Variants in SLC6A20 observed in about 807,000 individuals in gnomAD.
The protein encoded by SLC6A20 is solute carrier family 6 member 20.
In SLC6A20, 73 loss-of-function variants were observed where a neutral mutation model predicts 64.3. That is an observed-to-expected ratio of 1.14 (90% CI 0.94 to 1.38). The LOEUF (loss-of-function observed/expected upper bound fraction) is 1.38. Among genes scored for constraint, SLC6A20 ranks in the 40% most tolerant of loss-of-function variants. The pLI is 0.00. For missense variants in SLC6A20, 725 were observed against 772.8 expected, an observed-to-expected ratio of 0.94 and a Z score of 0.73; for synonymous variants, 347 against 329.6, an observed-to-expected ratio of 1.05 and a Z score of -0.57.
At chr3:45,785,613 T>TCTCTCTCTCTCTCTCTCTCTCTCTCTC (rs1700157049) in intron 1 of SLC6A20, among the ~76,000 whole-genome samples, 2 of 141,012 alleles carry the variant, frequency 1.4e-5, no homozygotes, top group African/African-American at 5.4e-5. Context: ...AAACTCCCCT[T>TCTCTCTCTCTCTCTCTCTCTCTCTCTC]TCTCTCTCTC....
At chr3:45,781,629 C>A (rs1700086220) in intron 2 of SLC6A20, among the ~76,000 whole-genome samples, 1 of 152,198 alleles carries the variant, frequency 6.6e-6, no homozygotes, top group Non-Finnish European at 1.5e-5. Context: ...CTCCACAACA[C>A]CTCAGCGGTG....
chr3:45,782,213 C>A lies in SLC6A20; in HGVS notation c.132G>T (p.Leu44=), dbSNP rs201961518. 2 of 1,612,606 alleles carry A rather than the reference C, an allele frequency of 1.2e-6. No individual in the cohort carries two copies. Among genetic ancestry groups the A allele is most frequent in the Non-Finnish European group, 1.7e-6 (2 of 1,179,224 alleles). The change falls in exon 2 of 11, where the codon CTG becomes CTT. Residue 44 remains leucine, a synonymous_variant. Coordinates refer to ENST00000358525, the MANE Select transcript of SLC6A20 (RefSeq NM_020208.4). ...CGATAAGCATGATGATGTAGGGGACCAGGAAACTACCTGTGGATGTCCAGA... is the reference window on the plus strand; with the variant it reads ...CGATAAGCATGATGATGTAGGGGACAAGGAAACTACCTGTGGATGTCCAGA... ...LCQMYGGGSF[L]VPYIIMLIVE... is the part of the protein sequence containing the mutation.
chr3:45,790,063 A>G (rs1414769927), intron 1 of SLC6A20, among the ~76,000 whole-genome samples: 1 of 152,200 alleles, frequency 6.6e-6, no homozygotes, highest in African/African-American at 2.4e-5. Context: ...TCTGTATGAA[A>G]TGTATCACTG....
At chr3:45,796,221 T>G in intron 1 of SLC6A20, 78 bp downstream of exon 1, 1 of 1,533,140 alleles carries the variant, frequency 6.5e-7, no homozygotes. Context: ...TTCTGTAACT[T>G]GGGTCTAACC....
chr3:45,776,713 G>A (rs569494186), intron 3 of SLC6A20, among the ~76,000 whole-genome samples: 1 of 152,262 alleles, frequency 6.6e-6, no homozygotes, highest in South Asian at 2.1e-4. Context: ...TGAGACTTAC[G>A]CATCTCAGGA....
chr3:45,780,182 C>T, intron 2 of SLC6A20, 82 bp from the exon 3 acceptor site: 1 of 1,415,888 alleles, frequency 7.1e-7, no homozygotes, highest in African/African-American at 1.4e-5. Context: ...TCCCAGGACA[C>T]ACCTGTGGCG....
rs140706247 is a variant in SLC6A20, at chr3:45,762,960, G to A, written c.1416C>T (p.Ile472=). The A allele has an allele frequency of 1.6e-5, 26 of 1,614,010 alleles. No individual in the cohort carries two copies. The highest frequency in any genetic ancestry group is 1.2e-4 in the Admixed American group (7 of 60,006). The change falls in exon 9 of 11, where the codon ATC becomes ATT. Residue 472 remains isoleucine (I), a synonymous_variant. Coordinates refer to ENST00000358525, the MANE Select transcript of SLC6A20 (RefSeq NM_020208.4). ...ACACGGCAATCGTCTCCACCAGCAC[G>A]ATGAGCAGCAGGGACAGTGTGGCCG... is the stretch of plus-strand genomic sequence containing the variant. ...DYAATLSLLL[I]VLVETIAVCY... is the part of the protein sequence containing the mutation.
chr3:45,785,613 T>TCTCTCTCTCTCTCTCTC (rs1700157049), intron 1 of SLC6A20, among the ~76,000 whole-genome samples: 1 of 141,016 alleles, frequency 7.1e-6, no homozygotes, highest in South Asian at 2.5e-4. Context: ...AAACTCCCCT[T>TCTCTCTCTCTCTCTCTC]TCTCTCTCTC....
At chr3:45,772,197 C>T (rs1003606184) in intron 5 of SLC6A20, 14 of 302,852 alleles carry the variant, frequency 4.6e-5, no homozygotes, top group Middle Eastern at 9.3e-4. Context: ...GCTTGGTCCA[C>T]AGTCTGAAAG....
chr3:45,792,135 G>C (rs1700264092), intron 1 of SLC6A20, among the ~76,000 whole-genome samples: 1 of 152,184 alleles, frequency 6.6e-6, no homozygotes, highest in African/African-American at 2.4e-5. Flanking sequence ...CTCCTGGCCA[G>C]GCCCTCCTCC....
chr3:45,792,990 A>C (rs977007127), intron 1 of SLC6A20, among the ~76,000 whole-genome samples: 1 of 152,208 alleles, frequency 6.6e-6, no homozygotes, highest in Non-Finnish European at 1.5e-5. Flanking sequence ...CCTCCCCCAC[A>C]GGCGTCTGGA....
intron 8 of SLC6A20, among the ~76,000 whole-genome samples, chr3:45,764,105 G>C (rs573401544): frequency 2.6e-5 from 4 of 152,302 alleles, no homozygotes; most frequent in Non-Finnish European, 5.9e-5. Context: ...TTCAGAGACG[G>C]AGTAGTGTAG....
At position 45,770,195 on chromosome 3, in the gene SLC6A20, C is replaced by T; in HGVS notation, c.1098+14G>A. ...GGAGAGAAGCCAGTCCTTGACCTTG[C>T]CTGGGCATCTTACCGTGTCTAGCTC... On this transcript the variant is annotated intron_variant, in intron 7 of 10. Coordinates refer to ENST00000358525, the MANE Select transcript of SLC6A20 (RefSeq NM_020208.4). 1 of 1,614,068 alleles carries T rather than the reference C, an allele frequency of 6.2e-7. No individual in the cohort carries two copies.
At chr3:45,769,398 GA>G (rs1699823470) in intron 7 of SLC6A20, among the ~76,000 whole-genome samples, 1 of 148,650 alleles carries the variant, frequency 6.7e-6, no homozygotes. Context: ...AAAACAATGT[GA>G]AAAAATAAAG....
rs1700351555 is a variant in SLC6A20 at position 45,796,480 on chromosome 3, C to T, written c.-61G>A. ...GGTCCGGCACGGCAGTCTCAGTGCG[C>T]GGTCGCCAGGCGCGCCGTCCCACCC... On this transcript the variant is annotated 5_prime_UTR_variant, in exon 1 of 11. Coordinates refer to ENST00000358525, the MANE Select transcript of SLC6A20 (RefSeq NM_020208.4). 6.5e-7 allele frequency: 1 copy of T among 1,530,766 alleles called. No homozygotes were observed. The highest frequency in any genetic ancestry group is 1.2e-5 in the South Asian group (1 of 81,446). The allele number at this position is 1,530,766 out of a possible 1,614,324, so 94.8% of individuals were successfully genotyped here.
intron 2 of SLC6A20, 101 bp from the exon 3 acceptor site, chr3:45,780,201 G>C: frequency 2.6e-6 from 3 of 1,154,920 alleles, no homozygotes; most frequent in South Asian, 1.4e-5. Flanking sequence ...CGACCGCCCC[G>C]GGGTGGGCGA....
intron 1 of SLC6A20, among the ~76,000 whole-genome samples, chr3:45,787,936 C>A (rs1157797450): frequency 1.3e-5 from 2 of 152,126 alleles, no homozygotes; most frequent in African/African-American, 4.8e-5. Flanking sequence ...ATCTCTTTAT[C>A]CTGTTCTTCT....
At chr3:45,778,199 G>C (rs561680581) in intron 3 of SLC6A20, among the ~76,000 whole-genome samples, 5 of 152,342 alleles carry the variant, frequency 3.3e-5, no homozygotes, top group African/African-American at 1.2e-4. Flanking sequence ...GTAGACAGGA[G>C]CACAGACTCC....
intron 7 of SLC6A20, 32 bp downstream of exon 7, chr3:45,770,177 A>G (rs1384643219): frequency 1.2e-6 from 2 of 1,613,372 alleles, no homozygotes; most frequent in Non-Finnish European, 1.7e-6. Context: ...TGTGGAGAGA[A>G]GCCAGTCCTT....
Sources: allele counts gnomAD v4.1 joint callset (sites outside exome capture counted in the v4.1 genomes callset), GRCh38; gene constraint gnomAD v4.1.1; transcripts MANE v1.5; gene names NCBI Gene and HGNC (gene_info 2026-07-23, HGNC 2026-07-21).